The following YME1L1 variants were observed in gnomAD, a reference collection of about 807,000 sequenced individuals.
YME1L1 encodes YME1 like 1 ATPase, also known as ATP-dependent zinc metalloprotease YME1L1.
A neutral mutation model predicts 90.4 loss-of-function variants in YME1L1; 39 were observed. The observed-to-expected ratio is 0.43, with a 90% CI of 0.33 to 0.56. The LOEUF is 0.56. YME1L1 is among the 20% of genes least tolerant of loss of function. The pLI is 0.03. For synonymous variants in YME1L1, 284 were observed against 287.3 expected (o/e 0.99, Z 0.12); for missense variants, 617 against 868.4 (o/e 0.71, Z 3.64).
At chr10:27,129,458 T>C (rs143791941) in intron 8 of YME1L1, 1 of 152,294 alleles carries the variant, frequency 6.6e-6, no homozygotes, top group Non-Finnish European at 1.5e-5. Flanking sequence ...TGGTTATGTA[T>C]AAACAGAGAC....
At chr10:27,119,526 C>T in intron 13 of YME1L1, 77 bp from the exon 14 acceptor site, 2 of 1,478,246 alleles carry the variant, frequency 1.4e-6, no homozygotes, top group Non-Finnish European at 1.8e-6. Flanking sequence ...ACTCACATTC[C>T]AACTGGGTGC....
intron 1 of YME1L1, among the ~76,000 whole-genome samples, chr10:27,152,460 G>T (rs1371921195): frequency 3.3e-5 from 5 of 152,158 alleles, no homozygotes; most frequent in Non-Finnish European, 7.4e-5. Flanking sequence ...AGACTGCCTA[G>T]GGTACATAAA....
intron 8 of YME1L1, among the ~76,000 whole-genome samples, chr10:27,127,818 T>G (rs6482596): frequency 0.5 from 75,890 of 151,910 alleles, 21,665 homozygotes; most frequent in Non-Finnish European, 0.65. Context: ...TATGGATTTG[T>G]GCACTGTTGT....
At chr10:27,154,073 C>T in intron 1 of YME1L1, 105 bp downstream of exon 1, 1 of 1,435,240 alleles carries the variant, frequency 7.0e-7, no homozygotes, top group Non-Finnish European at 9.6e-7. Context: ...GAGTACATCA[C>T]TTCATTTCTA....
At chr10:27,148,475 T>A (rs753709185) in intron 2 of YME1L1, among the ~76,000 whole-genome samples, 60 of 152,248 alleles carry the variant, frequency 3.9e-4, no homozygotes, top group Non-Finnish European at 7.6e-4. Flanking sequence ...GCTGCACAGA[T>A]CCACAGATAC....
chr10:27,110,259 C>G lies in YME1L1; in HGVS notation c.*1718G>C, dbSNP rs962022348. The G allele has an allele frequency of 6.6e-5, 10 of 152,120 alleles. No individual in the cohort carries two copies. Among genetic ancestry groups the G allele is most frequent in the African/African-American group, 2.2e-4 (9 of 41,402 alleles). The allele number at this position is 152,120 out of a possible 1,614,324, so 9.4% of individuals were successfully genotyped here. A position where few individuals can be genotyped will look rare whatever the true frequency, so the allele number is the denominator to read the frequency against. On this transcript the variant is annotated 3_prime_UTR_variant, in exon 19 of 19. Coordinates refer to ENST00000376016, the MANE Select transcript of YME1L1 (RefSeq NM_014263.4). ...AGAACAGGTTTGGGGCAATAAAAAA[C>G]GGGCAGAATGATAACAACTGGTAAA...
chr10:27,132,761 A>G (rs749509392), intron 7 of YME1L1, among the ~76,000 whole-genome samples: 1 of 152,152 alleles, frequency 6.6e-6, no homozygotes, highest in African/African-American at 2.4e-5. Context: ...AGGAGGTTGC[A>G]GCGAGCCAAG....
At chr10:27,146,956 A>G (rs1225021687) in intron 2 of YME1L1, 1 of 174,280 alleles carries the variant, frequency 5.7e-6, no homozygotes, top group African/African-American at 2.4e-5. Context: ...ATAGTAAAAG[A>G]CAGTTAAAGG....
At chr10:27,137,734 CTATTTT>C (rs1411984563) in intron 4 of YME1L1, among the ~76,000 whole-genome samples, 3 of 152,076 alleles carry the variant, frequency 2.0e-5, no homozygotes, top group Non-Finnish European at 2.9e-5. Context: ...TTTTTATTGA[CTATTTT>C]TATTTTTATT....
chr10:27,134,890 A>C lies in YME1L1; in HGVS notation c.632T>G (p.Phe211Cys), dbSNP rs761765985. ...AAAACCTTCCGCAAAACCAGTTTTAAATGCATCTTGGTGAGCTTCAGGTAT... is the reference window on the plus strand; with the variant it reads ...AAAACCTTCCGCAAAACCAGTTTTACATGCATCTTGGTGAGCTTCAGGTAT... ...KNIPEAHQDAFKTGFAEGFLK... is the reference protein window; with the variant it reads ...KNIPEAHQDACKTGFAEGFLK... Residue 211 changes from phenylalanine (F) to cysteine (C), a missense_variant, in exon 6 of 19, where the codon TTT (phenylalanine) becomes TGT (cysteine). Phe to Cys is a radical substitution (Grantham distance 205, BLOSUM62 -2). Around this residue, in one of 4 missense-constraint regions of YME1L1, gnomAD observed 311 missense variants for 335.8 expected, o/e 0.93. Coordinates refer to ENST00000376016, the MANE Select transcript of YME1L1 (RefSeq NM_014263.4). 5.0e-6 allele frequency: 8 copies of C among 1,614,100 alleles called. No individual in the cohort carries two copies. Among genetic ancestry groups the C allele is most frequent in the Non-Finnish European group, 5.9e-6 (7 of 1,180,016 alleles).
At chr10:27,131,968 A>G in intron 7 of YME1L1, 27 bp from the exon 8 acceptor site, 1 of 1,563,140 alleles carries the variant, frequency 6.4e-7, no homozygotes, top group Non-Finnish European at 8.7e-7. Context: ...AAATGTTTAT[A>G]TTTGATAGAT....
chr10:27,150,632 G>A (rs2057201848), intron 1 of YME1L1, among the ~76,000 whole-genome samples: 2 of 152,158 alleles, frequency 1.3e-5, no homozygotes, highest in Non-Finnish European at 1.5e-5. Flanking sequence ...TAATTATAAT[G>A]CATTAGCATG....
intron 12 of YME1L1, among the ~76,000 whole-genome samples, chr10:27,120,914 C>T (rs1443488180): frequency 2.6e-5 from 4 of 152,174 alleles, no homozygotes; most frequent in African/African-American, 9.7e-5. Context: ...CAGTGACAAA[C>T]TACTGATCAA....
intron 4 of YME1L1, among the ~76,000 whole-genome samples, 197 bp downstream of exon 4, chr10:27,142,190 T>A (rs892002357): frequency 7.2e-5 from 11 of 152,180 alleles, no homozygotes; most frequent in African/African-American, 2.4e-5. Flanking sequence ...TGTGGCACTA[T>A]CACGCTCAAA....
chr10:27,125,420 C>G (rs1216715858), intron 9 of YME1L1, among the ~76,000 whole-genome samples: 2 of 141,504 alleles, frequency 1.4e-5, no homozygotes, highest in African/African-American at 2.6e-5. Flanking sequence ...TCTCCACTCC[C>G]TCACAAAAGG....
intron 7 of YME1L1, 99 bp from the exon 8 acceptor site, chr10:27,132,040 T>C (rs2056982345): frequency 3.4e-6 from 3 of 878,238 alleles, no homozygotes; most frequent in South Asian, 3.4e-5. Context: ...AAAAATTAAA[T>C]GTCTAAGTGA....
chr10:27,119,268 A>G, intron 14 of YME1L1, 26 bp downstream of exon 14: 1 of 1,573,134 alleles, frequency 6.4e-7, no homozygotes, highest in Non-Finnish European at 8.6e-7. Flanking sequence ...AAAGTAAAAG[A>G]CAGAAAAAAA....
rs746588699 is a variant in YME1L1 at position 27,149,014 on chromosome 10, G to C, written c.60C>G (p.Ile20Met). 1.2e-5 allele frequency: 19 copies of C among 1,612,320 alleles called. No individual in the cohort carries two copies. The highest frequency in any genetic ancestry group is 1.5e-5 in the Non-Finnish European group (18 of 1,179,426). ...PQVTVPLSHL[I>M]NAFHTPKNTS... ...TGTTTTTTGGTGTATGGAAGGCATTGATGAGATGACTCAGAGGAACTGTAA... is the reference window on the plus strand; with the variant it reads ...TGTTTTTTGGTGTATGGAAGGCATTCATGAGATGACTCAGAGGAACTGTAA... Residue 20 changes from isoleucine to methionine, a missense_variant, in exon 2 of 19, where the codon ATC (isoleucine) becomes ATG (methionine). By Grantham distance (10) the Ile-to-Met change is conservative (BLOSUM62 1). Around this residue, in one of 4 missense-constraint regions of YME1L1, gnomAD observed 311 missense variants for 335.8 expected, o/e 0.93. Transcript: ENST00000376016.
chr10:27,147,370 T>C lies in YME1L1; in HGVS notation c.168+1536A>G, dbSNP rs114335790. On this transcript the variant is annotated intron_variant, in intron 2 of 18. Coordinates refer to ENST00000376016, the MANE Select transcript of YME1L1 (RefSeq NM_014263.4). Reference sequence around the variant, plus strand: ...TGATAAAACAAACAAACAAAGAAACTAGACTGGATGAGAGAGAAGGCTGAT... The same window carrying C: ...TGATAAAACAAACAAACAAAGAAACCAGACTGGATGAGAGAGAAGGCTGAT... The C allele has an allele frequency of 9.5e-4, 1,449 of 1,518,962 alleles. 12 individuals carry two copies. In the African/African-American group the frequency reaches 0.018, roughly 19 times the overall value. The allele number at this position is 1,518,962 out of a possible 1,614,324, so 94.1% of individuals were successfully genotyped here.
Sources: allele counts gnomAD v4.1 joint callset (sites outside exome capture counted in the v4.1 genomes callset), GRCh38; gene constraint gnomAD v4.1.1; regional missense constraint gnomAD v4.1.1; transcripts MANE v1.5; gene names NCBI Gene and HGNC (gene_info 2026-07-23, HGNC 2026-07-21).